The following RHBDD1 variants were observed in gnomAD, a reference collection of about 807,000 sequenced individuals.
RHBDD1 encodes the protein rhomboid-related protein 4.
Under a neutral mutation model 36.3 loss-of-function variants are expected in RHBDD1, and 38 were observed. That is an observed-to-expected ratio of 1.05 (90% CI 0.81 to 1.37). The LOEUF (loss-of-function observed/expected upper bound fraction) is 1.37. RHBDD1 is among the 40% of genes most tolerant of loss of function. The probability of loss-of-function intolerance (pLI) is 0.00; values close to 1 mark genes in which losing one functional copy is unlikely to be tolerated. For synonymous variants in RHBDD1, 151 were observed against 136.5 expected (o/e 1.11, Z -0.74); for missense variants, 393 against 377.6 (o/e 1.04, Z -0.34).
chr2:226,849,615 G>C (rs535597977), intron 3 of RHBDD1, among the ~76,000 whole-genome samples: 1 of 152,228 alleles, frequency 6.6e-6, no homozygotes, highest in South Asian at 2.1e-4. Context: ...CTCTGGCCCC[G>C]GATGTCCTCT....
At chr2:226,926,502 T>C (rs2115597) in intron 8 of RHBDD1, among the ~76,000 whole-genome samples, 87,719 of 152,042 alleles carry the variant, frequency 0.58, 26,108 homozygotes, top group African/African-American at 0.73. Flanking sequence ...ATTATTTCTT[T>C]GTGGTGTATT....
At chr2:226,803,344 G>C in the RHBDD1 span, among the ~76,000 whole-genome samples, 4 of 152,070 alleles carry the variant, frequency 2.6e-5, no homozygotes, top group African/African-American at 9.7e-5. Flanking sequence ...GAGAGAGAGA[G>C]AGAGAGATGT....
chr2:226,966,258 G>C (rs1054168959), intron 8 of RHBDD1, among the ~76,000 whole-genome samples: 5 of 152,140 alleles, frequency 3.3e-5, no homozygotes, highest in African/African-American at 1.2e-4. Flanking sequence ...CACAAGAAAT[G>C]CCTGCAATTT....
intron 8 of RHBDD1, among the ~76,000 whole-genome samples, chr2:226,945,352 C>T (rs1328893941): frequency 6.6e-6 from 1 of 151,900 alleles, no homozygotes; most frequent in African/African-American, 2.4e-5. Context: ...ATGTTCCCCT[C>T]CTTATGTCCA....
chr2:226,908,855 G>A lies in RHBDD1; in HGVS notation c.689G>A (p.Arg230Gln), dbSNP rs1332731418. Reference protein sequence around the residue: ...GFSSSVGYPGRQYYFNSSGSS... With the variant: ...GFSSSVGYPGQQYYFNSSGSS... ...TCCTCCAGTGTTGGTTACCCAGGAC[G>A]GCAATACTACTTTAATAGTTCAGGT... Residue 230 changes from arginine to glutamine, a missense_variant, in exon 7 of 9, where the codon CGG (arginine) becomes CAG (glutamine). Coordinates refer to ENST00000392062, the MANE Select transcript of RHBDD1 (RefSeq NM_001167608.3). 1.5e-5 allele frequency: 24 copies of A among 1,605,964 alleles called. No homozygotes were observed. The highest frequency in any genetic ancestry group is 1.9e-5 in the Non-Finnish European group (22 of 1,172,854).
At chr2:226,914,474 A>C (rs1948758419) in intron 8 of RHBDD1, 123 bp downstream of exon 8, 1 of 1,156,798 alleles carries the variant, frequency 8.6e-7, no homozygotes, top group Non-Finnish European at 1.2e-6. Context: ...GTAGATGAAA[A>C]CTGTGTGCAG....
intron 8 of RHBDD1, among the ~76,000 whole-genome samples, chr2:226,985,445 G>C (rs555635297): frequency 1.3e-5 from 2 of 152,224 alleles, no homozygotes; most frequent in Admixed American, 6.5e-5. Flanking sequence ...TTCTGCTTAC[G>C]ATGCGGAATG....
At chr2:226,863,494 C>G (rs1212112713) in intron 3 of RHBDD1, among the ~76,000 whole-genome samples, 3 of 152,152 alleles carry the variant, frequency 2.0e-5, no homozygotes, top group African/African-American at 7.2e-5. Flanking sequence ...AACCAAGTAC[C>G]ATTTATTTAG....
At chr2:226,918,976 G>A (rs1054148986) in intron 8 of RHBDD1, among the ~76,000 whole-genome samples, 1 of 151,984 alleles carries the variant, frequency 6.6e-6, no homozygotes, top group African/African-American at 2.4e-5. Flanking sequence ...GCAAGCATTT[G>A]TTATTGCCTG....
At chr2:226,899,796 A>T (rs1470729192) in intron 5 of RHBDD1, among the ~76,000 whole-genome samples, 3 of 152,250 alleles carry the variant, frequency 2.0e-5, no homozygotes. Context: ...CTCAAATATT[A>T]ACTGAAAGAA....
chr2:226,983,047 T>G (rs1032910807), intron 8 of RHBDD1, among the ~76,000 whole-genome samples: 1 of 152,206 alleles, frequency 6.6e-6, no homozygotes, highest in African/African-American at 2.4e-5. Flanking sequence ...GAAACCTACT[T>G]GTACTAAACC....
intron 8 of RHBDD1, 126 bp downstream of exon 8, chr2:226,914,477 G>C: frequency 9.4e-7 from 1 of 1,059,214 alleles, no homozygotes; most frequent in Non-Finnish European, 1.3e-6. Context: ...GATGAAAACT[G>C]TGTGCAGATT....
intron 8 of RHBDD1, among the ~76,000 whole-genome samples, chr2:226,983,678 G>A (rs1409475221): frequency 2.0e-5 from 3 of 151,268 alleles, no homozygotes; most frequent in South Asian, 2.1e-4. Flanking sequence ...TTTTTTTCAC[G>A]TGCAAAGGTT....
At chr2:226,962,267 C>T (rs1297184164) in intron 8 of RHBDD1, among the ~76,000 whole-genome samples, 1 of 152,196 alleles carries the variant, frequency 6.6e-6, no homozygotes, top group East Asian at 1.9e-4. Context: ...ATTCCCAAGG[C>T]TCATTGTGCA....
chr2:226,973,211 A>C (rs2149355231), intron 8 of RHBDD1, among the ~76,000 whole-genome samples: 1 of 152,292 alleles, frequency 6.6e-6, no homozygotes, highest in African/African-American at 2.4e-5. Flanking sequence ...TCTTCTTCCA[A>C]ACTCATCCAA....
intron 8 of RHBDD1, among the ~76,000 whole-genome samples, chr2:226,922,521 C>T (rs979152045): frequency 1.3e-5 from 2 of 152,096 alleles, no homozygotes; most frequent in African/African-American, 2.4e-5. Context: ...TATGTATTTT[C>T]ATTCTCTATA....
chr2:226,814,276 C>A, the RHBDD1 span, among the ~76,000 whole-genome samples: 2 of 151,374 alleles, frequency 1.3e-5, no homozygotes, highest in Admixed American at 1.3e-4. Context: ...AGAGTATGAG[C>A]TTTTAGAGGG....
chr2:226,911,395 G>T (rs1948505172), intron 7 of RHBDD1, among the ~76,000 whole-genome samples: 1 of 152,110 alleles, frequency 6.6e-6, no homozygotes, highest in Admixed American at 6.6e-5. Context: ...GTTTCTCTAA[G>T]CAGGGATTGC....
chr2:226,968,309 A>G (rs566315593), intron 8 of RHBDD1, among the ~76,000 whole-genome samples: 2 of 152,320 alleles, frequency 1.3e-5, no homozygotes, highest in East Asian at 3.9e-4. Flanking sequence ...GTGATTGTGG[A>G]GGCTGACCAG....
Sources: gnomAD v4.1 joint callset for allele counts (sites outside exome capture counted in the v4.1 genomes callset) on GRCh38, gnomAD v4.1.1 for gene constraint, MANE v1.5 for transcripts, NCBI Gene and HGNC (gene_info 2026-07-23, HGNC 2026-07-21) for gene names.